The following RAD54B variants were observed in gnomAD, a reference collection of about 807,000 sequenced individuals.
The protein encoded by RAD54B is RAD54 homolog B, also known as DNA repair and recombination protein RAD54B.
RAD54B carries 78 observed loss-of-function variants against 95.8 expected under a neutral mutation model. The ratio of observed to expected loss-of-function variants is 0.81; its 90% CI spans 0.68 to 0.98. The LOEUF is 0.98. Ranked by LOEUF, RAD54B falls within the 50% of genes least tolerant of loss-of-function variation. RAD54B has a pLI of 0.00. For synonymous variants in RAD54B, 328 were observed against 354.9 expected (o/e 0.92, Z 0.85); for missense variants, 957 against 1,056.6 (o/e 0.91, Z 1.31).
At chr8:94,474,874 C>T (rs1813263438) in intron 1 of RAD54B, 127 bp downstream of exon 1, 1 of 152,468 alleles carries the variant, frequency 6.6e-6, no homozygotes, top group African/African-American at 2.4e-5. Flanking sequence ...CAGAAGGCCA[C>T]TTCGGTCGCT....
chr8:94,378,106 T>C, intron 14 of RAD54B, 74 bp downstream of exon 14: 3 of 1,176,028 alleles, frequency 2.6e-6, no homozygotes, highest in Non-Finnish European at 3.5e-6. Context: ...AAAGTTATTC[T>C]TTAAATATTT....
At chr8:94,415,737 C>T (rs1811647773) in intron 3 of RAD54B, among the ~76,000 whole-genome samples, 2 of 146,602 alleles carry the variant, frequency 1.4e-5, no homozygotes, top group Non-Finnish European at 3.0e-5. Flanking sequence ...CAAAAGAAGA[C>T]ATTTATGCAG....
At chr8:94,400,193 T>G in intron 7 of RAD54B, 45 bp downstream of exon 7, 3 of 1,525,114 alleles carry the variant, frequency 2.0e-6, no homozygotes, top group Non-Finnish European at 2.7e-6. Context: ...TTTGAAAAAC[T>G]AGATTTTTTT....
intron 3 of RAD54B, among the ~76,000 whole-genome samples, chr8:94,414,663 C>G (rs555745105): frequency 2.0e-5 from 3 of 152,240 alleles, no homozygotes; most frequent in Non-Finnish European, 4.4e-5. Flanking sequence ...AGCCTTGCAG[C>G]AAAGTCTCAG....
chr8:94,457,300 C>T (rs190937273), intron 3 of RAD54B, among the ~76,000 whole-genome samples: 16 of 152,206 alleles, frequency 1.1e-4, no homozygotes, highest in African/African-American at 3.9e-4. Flanking sequence ...AGCTAAACTG[C>T]CATGCCCAGA....
intron 3 of RAD54B, chr8:94,428,111 T>G: frequency 2.2e-6 from 2 of 921,888 alleles, no homozygotes; most frequent in Non-Finnish European, 2.6e-6. Flanking sequence ...TCCATTACAT[T>G]CATATGGATA....
chr8:94,430,847 G>A (rs1812074356), intron 3 of RAD54B: 1 of 985,310 alleles, frequency 1.0e-6, no homozygotes. Flanking sequence ...CCAGGGAGAT[G>A]TCCTTCCTAG....
At chr8:94,425,732 T>C (rs1436477518) in intron 3 of RAD54B, among the ~76,000 whole-genome samples, 2 of 151,924 alleles carry the variant, frequency 1.3e-5, no homozygotes, top group African/African-American at 2.4e-5. Flanking sequence ...TTCAGAATTA[T>C]GTTTTATAAG....
chr8:94,460,461 A>G (rs1479985970), intron 2 of RAD54B, among the ~76,000 whole-genome samples: 1 of 152,234 alleles, frequency 6.6e-6, no homozygotes, highest in Non-Finnish European at 1.5e-5. Flanking sequence ...ACAGAGCCAG[A>G]CCCTGCCTCA....
chr8:94,464,365 C>A (rs1231846198), intron 2 of RAD54B, among the ~76,000 whole-genome samples: 1 of 152,240 alleles, frequency 6.6e-6, no homozygotes, highest in East Asian at 1.9e-4. Flanking sequence ...CCTGTAGAAG[C>A]TGGAGAAAGC....
chr8:94,390,479 G>T (rs185407381), intron 10 of RAD54B, among the ~76,000 whole-genome samples: 4 of 150,486 alleles, frequency 2.7e-5, no homozygotes, highest in African/African-American at 9.7e-5. Flanking sequence ...CAGCCTGGGG[G>T]ACAAGAACAA....
chr8:94,466,895 GTTTAT>G (rs149964765), intron 2 of RAD54B, among the ~76,000 whole-genome samples: 148 of 152,220 alleles, frequency 9.7e-4, no homozygotes, highest in African/African-American at 3.4e-3. Flanking sequence ...ATTACCAAAA[GTTTAT>G]TTTATAGACT....
At chr8:94,376,330 A>G (rs1810570850) in intron 14 of RAD54B, among the ~76,000 whole-genome samples, 1 of 152,142 alleles carries the variant, frequency 6.6e-6, no homozygotes, top group Non-Finnish European at 1.5e-5. Context: ...ATAATGAAAA[A>G]ACAAAATATT....
intron 10 of RAD54B, among the ~76,000 whole-genome samples, chr8:94,390,034 T>C (rs1484432061): frequency 6.6e-6 from 1 of 152,256 alleles, no homozygotes; most frequent in Non-Finnish European, 1.5e-5. Context: ...TCACTGTATA[T>C]AGAATCAGTT....
chr8:94,380,602 T>A (rs1810715976), intron 11 of RAD54B, among the ~76,000 whole-genome samples, 196 bp from the exon 12 acceptor site: 3 of 152,212 alleles, frequency 2.0e-5, no homozygotes, highest in Admixed American at 2.0e-4. Flanking sequence ...TTTAAGACAG[T>A]GCGGCAAAGA....
chr8:94,474,779 C>T (rs1183125289), intron 1 of RAD54B, among the ~76,000 whole-genome samples: 2 of 152,198 alleles, frequency 1.3e-5, no homozygotes, highest in Non-Finnish European at 2.9e-5. Context: ...CAACCCTAAA[C>T]CCCCACCGCC....
intron 3 of RAD54B, 100 bp downstream of exon 3, chr8:94,458,168 C>T: frequency 2.6e-6 from 3 of 1,175,076 alleles, no homozygotes; most frequent in Non-Finnish European, 3.5e-6. Flanking sequence ...ATTACATCAA[C>T]AATTTTCTAA....
intron 3 of RAD54B, among the ~76,000 whole-genome samples, chr8:94,438,221 C>A (rs976002390): frequency 2.0e-5 from 3 of 152,174 alleles, no homozygotes; most frequent in African/African-American, 4.8e-5. Flanking sequence ...AAGCAAATTA[C>A]ATTTACTGAG....
chr8:94,411,737 A>G (rs1811534070), intron 3 of RAD54B, among the ~76,000 whole-genome samples: 1 of 147,036 alleles, frequency 6.8e-6, no homozygotes, highest in African/African-American at 2.4e-5. Context: ...TGAAAGTAAA[A>G]CCTGAAATTT....
Sources: gnomAD v4.1 joint callset for allele counts (sites outside exome capture counted in the v4.1 genomes callset) on GRCh38, gnomAD v4.1.1 for gene constraint, MANE v1.5 for transcripts, NCBI Gene and HGNC (gene_info 2026-07-23, HGNC 2026-07-21) for gene names.